The following GRIN2A variants were observed in gnomAD, a reference collection of about 807,000 sequenced individuals.
GRIN2A encodes glutamate receptor ionotropic, NMDA 2A.
GRIN2A carries 22 observed loss-of-function variants against 113.4 expected under a neutral mutation model. The observed-to-expected ratio is 0.19, with a 90% CI of 0.14 to 0.28. GRIN2A has a LOEUF of 0.28. Ranked by LOEUF, GRIN2A falls within the 10% of genes least tolerant of loss-of-function variation. The probability of loss-of-function intolerance (pLI) is 1.00; values close to 1 mark genes in which losing one functional copy is unlikely to be tolerated. For missense variants in GRIN2A, 1,502 were observed against 1,887.0 expected, an observed-to-expected ratio of 0.80 and a Z score of 3.78; for synonymous variants, 827 against 738.4, an observed-to-expected ratio of 1.12 and a Z score of -1.94.
In GRIN2A at chr16:9,988,195, G is replaced by A. The variant is rs531817441; in HGVS notation, c.415-49644C>T. Among the ~76,000 whole-genome samples the A allele has an allele frequency of 1.1e-3, 163 of 152,192 alleles. 2 individuals carry two copies. The highest frequency in any genetic ancestry group is 3.6e-3 in the African/African-American group (151 of 41,528). ...TTGATGTCAGGGGCAGGAATCAAGA[G>A]TGAAGAAAAGGAGATGTCAAGATGT... On this transcript the variant is annotated intron_variant, in intron 2 of 12. Coordinates refer to ENST00000330684, the MANE Select transcript of GRIN2A (RefSeq NM_001134407.3).
chr16:9,795,292 G>A (rs1385184731), intron 11 of GRIN2A, among the ~76,000 whole-genome samples: 2 of 152,092 alleles, frequency 1.3e-5, no homozygotes, highest in African/African-American at 2.4e-5. Flanking sequence ...GGCCATGAGA[G>A]GGATCTCTGG....
intron 11 of GRIN2A, among the ~76,000 whole-genome samples, chr16:9,775,706 C>T (rs552123417): frequency 2.6e-4 from 40 of 152,310 alleles, no homozygotes; most frequent in African/African-American, 8.7e-4. Flanking sequence ...CTGGGGTACC[C>T]AGGGAACAGC....
intron 2 of GRIN2A, among the ~76,000 whole-genome samples, chr16:9,963,908 G>A (rs2045496717): frequency 1.3e-5 from 2 of 152,186 alleles, no homozygotes; most frequent in Admixed American, 6.5e-5. Context: ...TGTCCTGGTG[G>A]AGGAGAGGAA....
chr16:10,058,995 T>C (rs990188915), intron 2 of GRIN2A, among the ~76,000 whole-genome samples: 1 of 152,160 alleles, frequency 6.6e-6, no homozygotes, highest in Non-Finnish European at 1.5e-5. Flanking sequence ...TTGGTACCCA[T>C]GATGAACACA....
intron 2 of GRIN2A, among the ~76,000 whole-genome samples, chr16:10,022,157 T>A (rs1450031023): frequency 6.6e-6 from 1 of 151,794 alleles, no homozygotes; most frequent in African/African-American, 2.4e-5. Context: ...TACCACAGCA[T>A]CCAACATATA....
At chr16:10,127,877 G>C (rs548094261) in intron 2 of GRIN2A, among the ~76,000 whole-genome samples, 30 of 144,424 alleles carry the variant, frequency 2.1e-4, no homozygotes, top group Non-Finnish European at 3.0e-4. Flanking sequence ...CCCTGGGAAT[G>C]TCATGCCTGG....
At chr16:9,801,873 G>A (rs565468303) in intron 10 of GRIN2A, among the ~76,000 whole-genome samples, 1 of 152,294 alleles carries the variant, frequency 6.6e-6, no homozygotes, top group East Asian at 1.9e-4. Context: ...TTACAACACA[G>A]AAAGGAAACT....
chr16:9,975,785 A>G (rs996409549), intron 2 of GRIN2A, among the ~76,000 whole-genome samples: 1 of 152,264 alleles, frequency 6.6e-6, no homozygotes, highest in African/African-American at 2.4e-5. Flanking sequence ...TGTACTTTCA[A>G]TGTAAAGACG....
At chr16:10,139,403 A>G (rs938230183) in intron 2 of GRIN2A, among the ~76,000 whole-genome samples, 1 of 152,224 alleles carries the variant, frequency 6.6e-6, no homozygotes, top group Non-Finnish European at 1.5e-5. Context: ...CCTCATTACA[A>G]TGAAAACAGA....
intron 3 of GRIN2A, among the ~76,000 whole-genome samples, chr16:9,914,859 G>A (rs368089462): frequency 7.4e-6 from 1 of 135,848 alleles, no homozygotes; most frequent in East Asian, 2.4e-4. Flanking sequence ...CCACATGTGG[G>A]AAGGGGCATA....
chr16:9,964,714 C>T (rs1045069092), intron 2 of GRIN2A, among the ~76,000 whole-genome samples: 1 of 152,140 alleles, frequency 6.6e-6, no homozygotes. Context: ...CTTTCTCTGT[C>T]CACATCCTGG....
chr16:10,030,517 G>C, intron 2 of GRIN2A, among the ~76,000 whole-genome samples: 1 of 152,184 alleles, frequency 6.6e-6, no homozygotes, highest in East Asian at 1.9e-4. Context: ...TGGGGGTGAA[G>C]ATGCTACCTG....
At chr16:9,957,809 C>T (rs985047040) in intron 2 of GRIN2A, among the ~76,000 whole-genome samples, 8 of 152,160 alleles carry the variant, frequency 5.3e-5, no homozygotes, top group Non-Finnish European at 7.3e-5. Flanking sequence ...TTGAACCTCA[C>T]CTGAGAACTC....
rs1425449497 is a variant in GRIN2A, at chr16:9,999,632, CTAATGT to C, written c.415-61087_415-61082del. Among the ~76,000 whole-genome samples, 395 of 152,184 alleles carry C rather than the reference CTAATGT, an allele frequency of 2.6e-3. 3 individuals carry two copies. Among genetic ancestry groups the C allele is most frequent in the African/African-American group, 9.2e-3 (382 of 41,500 alleles). ...GGAGGGATAGCATTAGGAGAAACACCTAATGTAGGTGACAGGTTGATGAGCGCAGCA... is the reference window on the plus strand; with the variant it reads ...GGAGGGATAGCATTAGGAGAAACACCAGGTGACAGGTTGATGAGCGCAGCA... On this transcript the variant is annotated intron_variant, in intron 2 of 12. Transcript: ENST00000330684.
intron 2 of GRIN2A, 39 bp from the exon 3 acceptor site, chr16:9,938,590 G>A: frequency 6.7e-7 from 1 of 1,489,958 alleles, no homozygotes; most frequent in East Asian, 2.3e-5. Context: ...GATGAGGCAG[G>A]AGGTGGTTTA....
chr16:9,985,559 G>T (rs897180079), intron 2 of GRIN2A, among the ~76,000 whole-genome samples: 1 of 152,040 alleles, frequency 6.6e-6, no homozygotes, highest in Non-Finnish European at 1.5e-5. Context: ...GGAACTGGAG[G>T]TTAGTATGTT....
chr16:9,799,943 C>T (rs186213431), intron 10 of GRIN2A, among the ~76,000 whole-genome samples: 1 of 148,732 alleles, frequency 6.7e-6, no homozygotes, highest in African/African-American at 2.6e-5. Flanking sequence ...GTAATCTCTC[C>T]AAGGGCACAA....
intron 11 of GRIN2A, among the ~76,000 whole-genome samples, chr16:9,789,126 C>T (rs190805668): frequency 6.6e-6 from 1 of 152,386 alleles, no homozygotes; most frequent in East Asian, 1.9e-4. Context: ...AATAAACATA[C>T]TGGCCTTTGC....
intron 2 of GRIN2A, among the ~76,000 whole-genome samples, chr16:10,034,711 G>T (rs540966775): frequency 8.6e-5 from 13 of 151,960 alleles, no homozygotes; most frequent in Non-Finnish European, 1.5e-4. Context: ...AGACTTACTG[G>T]TCCTTGGCTT....
Sources: allele counts gnomAD v4.1 joint callset (sites outside exome capture counted in the v4.1 genomes callset), GRCh38; gene constraint gnomAD v4.1.1; transcripts MANE v1.5; gene names NCBI Gene and HGNC (gene_info 2026-07-23, HGNC 2026-07-21).